The following GPHN variants were observed in gnomAD, a reference collection of about 807,000 sequenced individuals.
GPHN encodes gephyrin.
In GPHN, 17 loss-of-function variants were observed where a neutral mutation model predicts 95.5. The observed-to-expected ratio is 0.18, with a 90% CI of 0.12 to 0.27. The LOEUF (loss-of-function observed/expected upper bound fraction) is 0.27. Among genes scored for constraint, GPHN ranks in the 10% least tolerant of loss-of-function variants. The pLI, the probability that GPHN is intolerant of heterozygous loss-of-function variation, is 1.00. For missense variants in GPHN, 660 were observed against 978.1 expected (o/e 0.67, Z 4.34); for synonymous variants, 320 against 322.5 (o/e 0.99, Z 0.08).
chr14:66,826,395 C>A lies in GPHN; in HGVS notation c.294+1829C>A, dbSNP rs2061386736. ...TTCAACTCTCCAGATATCAAATGTC[C>A]TTCTTTTTATTTCAATTAAATTCTG... On this transcript the variant is annotated intron_variant, in intron 4 of 22. Transcript: ENST00000478722. 2.6e-5 allele frequency among the ~76,000 whole-genome samples: 4 copies of A among 152,138 alleles called. No homozygotes were observed. In the South Asian group the frequency reaches 8.3e-4, roughly 32 times the overall value.
chr14:67,198,866 A>C, the GPHN span: 2 of 648,410 alleles, frequency 3.1e-6, no homozygotes, highest in Non-Finnish European at 5.7e-6. Flanking sequence ...GAAATGGTGA[A>C]ATGAGTTCAA....
intron 4 of GPHN, among the ~76,000 whole-genome samples, chr14:66,870,279 G>C (rs2063380774): frequency 6.6e-6 from 1 of 152,148 alleles, no homozygotes; most frequent in Admixed American, 6.6e-5. Context: ...ACCACCATCA[G>C]CATCAATGCC....
At chr14:67,063,053 G>T (rs1259189866) in intron 11 of GPHN, among the ~76,000 whole-genome samples, 1 of 152,074 alleles carries the variant, frequency 6.6e-6, no homozygotes, top group African/African-American at 2.4e-5. Context: ...TATGGTTTTA[G>T]GTCTAACATT....
At chr14:66,581,930 C>G (rs2061194858) in intron 1 of GPHN, among the ~76,000 whole-genome samples, 1 of 151,868 alleles carries the variant, frequency 6.6e-6, no homozygotes. Context: ...AGATAGACTG[C>G]AATATAGTGT....
chr14:67,337,245 C>T, the GPHN span: 1 of 152,682 alleles, frequency 6.5e-6, no homozygotes, highest in Non-Finnish European at 1.5e-5. Context: ...GGCATGGTGG[C>T]TTATGCCTGT....
the GPHN span, among the ~76,000 whole-genome samples, chr14:67,418,881 A>T: frequency 6.6e-6 from 1 of 152,118 alleles, no homozygotes; most frequent in East Asian, 1.9e-4. Context: ...AAAAGCTGGA[A>T]CGCCTTGAGA....
intron 11 of GPHN, 182 bp downstream of exon 11, chr14:67,058,968 A>G (rs2153649386): frequency 3.4e-6 from 2 of 585,718 alleles, no homozygotes; most frequent in Non-Finnish European, 5.9e-6. Context: ...CAGCCTTAAC[A>G]GTATACAGAG....
intron 10 of GPHN, among the ~76,000 whole-genome samples, chr14:67,047,363 T>TG (rs1491345633): frequency 7.8e-4 from 77 of 99,278 alleles, no homozygotes; most frequent in Non-Finnish European, 1.1e-3. Context: ...TGTGTGTGTG[T>TG]TTGTTTTTTT....
the GPHN span, among the ~76,000 whole-genome samples, chr14:67,216,359 C>T: frequency 2.6e-5 from 4 of 151,756 alleles, no homozygotes; most frequent in Admixed American, 6.6e-5. Context: ...GAGTTAATCA[C>T]GTTTTGTTAA....
chr14:67,600,261 G>A, the GPHN span: 11 of 1,416,248 alleles, frequency 7.8e-6, no homozygotes, highest in Non-Finnish European at 1.0e-5. Flanking sequence ...GCCGGCCCTG[G>A]CCGTCTCGCC....
At chr14:67,711,336 T>C in the GPHN span, among the ~76,000 whole-genome samples, 5 of 152,320 alleles carry the variant, frequency 3.3e-5, no homozygotes, top group East Asian at 7.7e-4. Flanking sequence ...AGTATGAAAT[T>C]GCTTGATTAA....
intron 4 of GPHN, among the ~76,000 whole-genome samples, chr14:66,830,413 A>G (rs939179868): frequency 4.6e-5 from 7 of 152,136 alleles, no homozygotes; most frequent in African/African-American, 2.4e-5. Context: ...TTTAAAAATT[A>G]ATACAATGAA....
At chr14:66,971,752 C>T (rs1055737887) in intron 9 of GPHN, among the ~76,000 whole-genome samples, 3 of 152,160 alleles carry the variant, frequency 2.0e-5, no homozygotes, top group African/African-American at 7.2e-5. Flanking sequence ...CTGTCTTGCA[C>T]TTCAAATGGA....
rs369861713 is a variant in GPHN, at chr14:66,713,776, A to G, written c.143+32591A>G. On this transcript the variant is annotated intron_variant, in intron 2 of 22. Coordinates refer to ENST00000478722, the MANE Select transcript of GPHN (RefSeq NM_020806.5). ...TTTTTATTTGTTTGTTTGTTTGTTT[A>G]TTTTGTTTTTGAGACGGAGTCTCTC... 1.2e-3 allele frequency among the ~76,000 whole-genome samples: 181 copies of G among 147,608 alleles called. 10 individuals are homozygous for G. In the South Asian group the frequency reaches 0.036, roughly 30 times the overall value.
the GPHN span, among the ~76,000 whole-genome samples, chr14:67,413,832 A>G: frequency 6.6e-6 from 1 of 152,200 alleles, no homozygotes. Flanking sequence ...CCAGGCCTGT[A>G]GTAGTAGGTG....
At chr14:67,109,968 T>A (rs1363429219) in intron 13 of GPHN, among the ~76,000 whole-genome samples, 172 bp from the exon 14 acceptor site, 2 of 152,200 alleles carry the variant, frequency 1.3e-5, no homozygotes, top group Non-Finnish European at 2.9e-5. Flanking sequence ...GCCCCTTTAG[T>A]GTGAGTGCAC....
intron 1 of GPHN, among the ~76,000 whole-genome samples, chr14:66,557,894 G>A (rs2060072767): frequency 6.6e-6 from 1 of 152,126 alleles, no homozygotes; most frequent in Admixed American, 6.6e-5. Flanking sequence ...TCTAAATTAT[G>A]ATAACCTTCT....
the GPHN span, among the ~76,000 whole-genome samples, chr14:67,400,322 A>T: frequency 2.0e-5 from 3 of 152,328 alleles, no homozygotes; most frequent in Middle Eastern, 3.4e-3. Flanking sequence ...GTCCAGTGGA[A>T]TTGCACATTT....
rs543538477 is a variant in GPHN, at chr14:66,588,531, G to C, written c.64+79940G>C. ...ATTGCTAACTAGAGTAACCAGTTTAGAGAAGAACATAAGTGACCTTATGGA... is the reference window on the plus strand; with the variant it reads ...ATTGCTAACTAGAGTAACCAGTTTACAGAAGAACATAAGTGACCTTATGGA... On this transcript the variant is annotated intron_variant, in intron 1 of 22. Transcript: ENST00000478722. Among the ~76,000 whole-genome samples the C allele has an allele frequency of 1.5e-4, 23 of 152,158 alleles. 1 individual carries two copies. The South Asian group carries it at 4.8e-3, about 32-fold the overall frequency.
Sources: allele counts gnomAD v4.1 joint callset (sites outside exome capture counted in the v4.1 genomes callset), GRCh38; gene constraint gnomAD v4.1.1; transcripts MANE v1.5; gene names NCBI Gene and HGNC (gene_info 2026-07-23, HGNC 2026-07-21).